The following TCF7 variants were observed in gnomAD, a reference collection of about 807,000 sequenced individuals.
TCF7 encodes the protein transcription factor 7.
A neutral mutation model predicts 46.8 loss-of-function variants in TCF7; 19 were observed. That is an observed-to-expected ratio of 0.41 (90% CI 0.28 to 0.60). The LOEUF (loss-of-function observed/expected upper bound fraction) is 0.60, where lower values mean the gene tolerates loss of function less well. TCF7 is among the 20% of genes least tolerant of loss of function. The probability of loss-of-function intolerance (pLI) is 0.35; values close to 1 mark genes in which losing one functional copy is unlikely to be tolerated. For synonymous variants in TCF7, 245 were observed against 213.4 expected (o/e 1.15, Z -1.29); for missense variants, 547 against 504.6 (o/e 1.08, Z -0.81).
chr5:134,113,200 T>C (rs1428998536), upstream of TCF7, among the ~76,000 whole-genome samples: 2 of 152,106 alleles, frequency 1.3e-5, no homozygotes, highest in East Asian at 1.9e-4. Context: ...GGAGACCTAA[T>C]GGGCAGGGTC....
intron 9 of TCF7, chr5:134,144,199 A>T (rs999250941): frequency 5.6e-5 from 9 of 161,550 alleles, no homozygotes; most frequent in African/African-American, 2.2e-4. Context: ...GAGACTCCAC[A>T]TCCCTGACCA....
Position 134,147,519 on chromosome 5 carries a change from G to C in TCF7, c.*1216G>C, listed in dbSNP as rs1450900244. 2.6e-5 allele frequency: 4 copies of C among 152,680 alleles called. No homozygotes were observed. The highest frequency in any genetic ancestry group is 5.9e-5 in the Non-Finnish European group (4 of 68,058). The allele number at this position is 152,680 out of a possible 1,614,324, so 9.5% of individuals were successfully genotyped here. A position where few individuals can be genotyped will look rare whatever the true frequency, so the allele number is the denominator to read the frequency against. On this transcript the variant is annotated 3_prime_UTR_variant, in exon 10 of 10. Coordinates refer to ENST00000342854, the MANE Select transcript of TCF7 (RefSeq NM_003202.5). ...AGTTTCCCCATGGGGCTGCGGGACA[G>C]AGGACCATTACAACTAGATCAAGGA...
rs77668843 is a variant in TCF7 at position 134,133,802 on chromosome 5, G to A, written c.442-4257G>A. ...CTGACAGTAGACTCCTGTTTAGTGC[G>A]TTTTTTCCCAGTTCCCAAGGAAGGC... is the stretch of plus-strand genomic sequence containing the variant. On this transcript the variant is annotated intron_variant, in intron 3 of 9. Coordinates refer to ENST00000342854, the MANE Select transcript of TCF7 (RefSeq NM_003202.5). 5.1e-3 allele frequency among the ~76,000 whole-genome samples: 777 copies of A among 152,246 alleles called. 7 individuals are homozygous for A. The highest frequency in any genetic ancestry group is 0.017 in the African/African-American group (704 of 41,540).
chr5:134,108,259 A>G, the TCF7 span, among the ~76,000 whole-genome samples: 125,619 of 152,152 alleles, frequency 0.83, 51,904 homozygotes, highest in East Asian at 0.85. Context: ...GGGAGCCTGA[A>G]GAAACACATT....
At chr5:134,127,624 G>A (rs957590847) in intron 3 of TCF7, among the ~76,000 whole-genome samples, 2 of 152,198 alleles carry the variant, frequency 1.3e-5, no homozygotes, top group Non-Finnish European at 2.9e-5. Context: ...GGGTGCGCCC[G>A]CCCACCTTAT....
At chr5:134,134,159 A>G (rs1758533053) in intron 3 of TCF7, among the ~76,000 whole-genome samples, 2 of 152,234 alleles carry the variant, frequency 1.3e-5, no homozygotes, top group South Asian at 4.1e-4. Flanking sequence ...CCATGGAGCC[A>G]TGCTCTCACT....
At chr5:134,143,480 A>G (rs1459021319) in intron 8 of TCF7, 112 bp from the exon 9 acceptor site, 3 of 1,271,224 alleles carry the variant, frequency 2.4e-6, no homozygotes, top group African/African-American at 1.5e-5. Context: ...ACCCCAAGGT[A>G]GGAGGGGCCT....
chr5:134,133,116 T>C lies in TCF7; in HGVS notation c.442-4943T>C, dbSNP rs577971200. On this transcript the variant is annotated intron_variant, in intron 3 of 9. Coordinates refer to ENST00000342854, the MANE Select transcript of TCF7 (RefSeq NM_003202.5). Reference sequence around the variant, plus strand: ...GGCACTGGTGGGACAGAGATGACTCTCAGGGTAGCCCTGGGGTGTCTGGGA... The same window carrying C: ...GGCACTGGTGGGACAGAGATGACTCCCAGGGTAGCCCTGGGGTGTCTGGGA... 5.3e-5 allele frequency among the ~76,000 whole-genome samples: 8 copies of C among 152,206 alleles called. No homozygotes were observed. The Middle Eastern group carries it at 0.014, about 259-fold the overall frequency.
chr5:134,145,765 AG>A, intron 9 of TCF7: 1 of 1,613,952 alleles, frequency 6.2e-7, no homozygotes, highest in Non-Finnish European at 8.5e-7. Flanking sequence ...AGAGAACTCA[AG>A]GATGGTAATG....
intron 3 of TCF7, among the ~76,000 whole-genome samples, chr5:134,120,000 C>G (rs898090092): frequency 6.6e-6 from 1 of 152,174 alleles, no homozygotes; most frequent in Non-Finnish European, 1.5e-5. Flanking sequence ...CCAGCTGAGC[C>G]GAGGAGACAG....
intron 3 of TCF7, among the ~76,000 whole-genome samples, chr5:134,118,100 T>C (rs887803983): frequency 8.5e-5 from 13 of 152,210 alleles, no homozygotes; most frequent in Admixed American, 7.9e-4. Context: ...GCATTGAAAA[T>C]GTGGTTGGGT....
upstream of TCF7, among the ~76,000 whole-genome samples, chr5:134,110,929 T>C (rs574753679): frequency 6.6e-6 from 1 of 152,192 alleles, no homozygotes; most frequent in Non-Finnish European, 1.5e-5. Flanking sequence ...ATTCAGATGA[T>C]TTACATGACG....
Position 134,143,656 on chromosome 5 carries a change from AG to A in TCF7, c.1075+17del, listed in dbSNP as rs1561700194. ...TCCACCACAGGTGAGACCTTCTCTC[AG>A]CAGCAGTGGAGGCTCCTCTCCATGT... On this transcript the variant is annotated intron_variant, in intron 9 of 9. Coordinates refer to ENST00000342854, the MANE Select transcript of TCF7 (RefSeq NM_003202.5). 1.2e-6 allele frequency: 2 copies of A among 1,613,754 alleles called. No homozygotes were observed. Among genetic ancestry groups the A allele is most frequent in the Non-Finnish European group, 1.7e-6 (2 of 1,179,914 alleles).
At chr5:134,142,009 G>C (rs1759862692) in intron 5 of TCF7, 176 bp from the exon 6 acceptor site, 2 of 795,858 alleles carry the variant, frequency 2.5e-6, no homozygotes, top group Non-Finnish European at 3.8e-6. Context: ...TCTGTGTAGT[G>C]TGCTGGGAGC....
intron 9 of TCF7, chr5:134,144,137 A>G (rs1392188720): frequency 6.2e-6 from 1 of 162,546 alleles, no homozygotes; most frequent in Non-Finnish European, 1.3e-5. Flanking sequence ...AGAAGCCCAC[A>G]CCCTGCTGCA....
At chr5:134,137,790 G>C (rs551138395) in intron 3 of TCF7, 1 of 331,110 alleles carries the variant, frequency 3.0e-6, no homozygotes, top group East Asian at 4.9e-5. Flanking sequence ...GGCCAATAAG[G>C]GTTTTCTGGA....
intron 3 of TCF7, chr5:134,123,509 T>C: frequency 2.9e-6 from 1 of 346,794 alleles, no homozygotes; most frequent in Non-Finnish European, 5.7e-6. Flanking sequence ...GGGAGGCTCC[T>C]GAGAGAGGGG....
intron 3 of TCF7, among the ~76,000 whole-genome samples, chr5:134,124,664 A>AC (rs150216595): frequency 0.016 from 2,426 of 151,004 alleles, 72 homozygotes; most frequent in African/African-American, 0.056. Flanking sequence ...CTTCCTCCTA[A>AC]CCCCCCCGCC....
chr5:134,141,188 TAGA>T (rs1443634730), intron 5 of TCF7: 2 of 163,864 alleles, frequency 1.2e-5, no homozygotes, highest in African/African-American at 2.4e-5. Context: ...CATCCCTACT[TAGA>T]AGGACTCTCC....
Sources: allele counts gnomAD v4.1 joint callset (sites outside exome capture counted in the v4.1 genomes callset), GRCh38; gene constraint gnomAD v4.1.1; transcripts MANE v1.5; gene names NCBI Gene and HGNC (gene_info 2026-07-23, HGNC 2026-07-21).